Variants in CENPE observed in about 807,000 individuals in gnomAD.
CENPE encodes the protein centromere-associated protein E.
In CENPE, 145 loss-of-function variants were observed where a neutral mutation model predicts 336.1. That is an observed-to-expected ratio of 0.43 (90% CI 0.38 to 0.50). The LOEUF (loss-of-function observed/expected upper bound fraction) is 0.50. CENPE is among the 20% of genes least tolerant of loss of function. The pLI is 0.00. For missense variants in CENPE, 2,719 were observed against 3,023.3 expected (o/e 0.90, Z 2.36); for synonymous variants, 1,013 against 984.8 (o/e 1.03, Z -0.54).
intron 10 of CENPE, 90 bp downstream of exon 10, chr4:103,183,111 G>T: frequency 1.0e-6 from 1 of 978,822 alleles, no homozygotes; most frequent in Non-Finnish European, 1.5e-6. Context: ...GAAGAAATCA[G>T]TACATTTGAG....
At chr4:103,190,321 G>A (rs1421790713) in intron 8 of CENPE, among the ~76,000 whole-genome samples, 1 of 152,164 alleles carries the variant, frequency 6.6e-6, no homozygotes, top group Admixed American at 6.5e-5. Flanking sequence ...CCAAAAAAGA[G>A]CCCGCATTGC....
chr4:103,123,185 G>T, intron 42 of CENPE, 96 bp from the exon 43 acceptor site: 1 of 837,850 alleles, frequency 1.2e-6, no homozygotes, highest in Non-Finnish European at 1.9e-6. Flanking sequence ...GTTACCCTCA[G>T]TCAAAAGTGG....
chr4:103,185,830 G>T lies in CENPE; in HGVS notation c.725C>A (p.Ala242Asp). The T allele has an allele frequency of 6.2e-7, 1 of 1,610,074 alleles. No homozygotes were observed. Among genetic ancestry groups the T allele is most frequent in the Non-Finnish European group, 8.5e-7 (1 of 1,177,374 alleles). The change falls in exon 9 of 49, where the codon GCT (alanine) becomes GAT (aspartate). Residue 242 changes from alanine (A) to aspartate (D), a missense_variant. By Grantham distance (126) the Ala-to-Asp change is moderately radical. Coordinates refer to ENST00000265148, the MANE Select transcript of CENPE (RefSeq NM_001813.3). ...ATTACCTGCAGCGCCTGTTTGAGCAGCTCTTTCACTGCCTGCAAGATCAAC... is the reference window on the plus strand; with the variant it reads ...ATTACCTGCAGCGCCTGTTTGAGCATCTCTTTCACTGCCTGCAAGATCAAC... ...NLVDLAGSER[A>D]AQTGAAGVRL...
chr4:103,106,175 T>C lies in CENPE; in HGVS notation c.*47A>G. ...GGGATAGACACATAAACAAAGTCAT[T>C]TCCAAATAAGGAATGCTGGATCTCC... On this transcript the variant is annotated 3_prime_UTR_variant, in exon 49 of 49. Coordinates refer to ENST00000265148, the MANE Select transcript of CENPE (RefSeq NM_001813.3). 1 of 1,320,618 alleles carries C rather than the reference T, an allele frequency of 7.6e-7. No homozygotes were observed. The allele number at this position is 1,320,618 out of a possible 1,614,324, so 81.8% of individuals were successfully genotyped here. A position where few individuals can be genotyped will look rare whatever the true frequency, so the allele number is the denominator to read the frequency against.
At chr4:103,144,064 G>A (rs554764937) in intron 33 of CENPE, among the ~76,000 whole-genome samples, 2 of 152,212 alleles carry the variant, frequency 1.3e-5, no homozygotes, top group African/African-American at 4.8e-5. Context: ...AGCCTCCCAA[G>A]TAGCTGGGAC....
At chr4:103,156,377 G>C (rs528076125) in intron 24 of CENPE, among the ~76,000 whole-genome samples, 5 of 152,220 alleles carry the variant, frequency 3.3e-5, no homozygotes, top group African/African-American at 4.8e-5. Flanking sequence ...CTAGCATAAA[G>C]ACAGACATAT....
intron 8 of CENPE, among the ~76,000 whole-genome samples, chr4:103,189,802 CAGG>C (rs1331914891): frequency 2.0e-5 from 3 of 152,068 alleles, no homozygotes; most frequent in Admixed American, 2.0e-4. Context: ...AGCAATCAGG[CAGG>C]AGGAGGAAAT....
Position 103,174,744 on chromosome 4 carries a change from CT to C in CENPE, c.1638del (p.Asp547IlefsTer6), listed in dbSNP as rs751326827. 6.6e-7 allele frequency: 1 copy of C among 1,518,278 alleles called. No individual in the cohort carries two copies. The highest frequency in any genetic ancestry group is 1.3e-5 in the South Asian group (1 of 77,550). The allele number at this position is 1,518,278 out of a possible 1,614,324, so 94.1% of individuals were successfully genotyped here. ...ATTTCTGTCTCTCTTACCTCTTGAT[CT>C]TTTTTAGTTTTTCTTTCTAGAGCCT... ...EFEALERKTK[K>X]DQEMQLIHEI... On this transcript the variant is annotated frameshift_variant, in exon 16 of 49. Coordinates refer to ENST00000265148, the MANE Select transcript of CENPE (RefSeq NM_001813.3). LOFTEE classifies it high-confidence loss of function.
intron 34 of CENPE, 130 bp from the exon 35 acceptor site, chr4:103,142,038 A>G (rs1752606874): frequency 3.2e-6 from 2 of 620,796 alleles, no homozygotes; most frequent in Non-Finnish European, 5.3e-6. Flanking sequence ...TTTTTAAGGT[A>G]CAGGCTTTCT....
At chr4:103,182,642 A>C (rs1002884985) in intron 11 of CENPE, 120 bp downstream of exon 11, 4 of 733,250 alleles carry the variant, frequency 5.5e-6, no homozygotes, top group Non-Finnish European at 8.3e-6. Flanking sequence ...TTTAGTAGAC[A>C]ACATATCGAT....
intron 29 of CENPE, 43 bp downstream of exon 29, chr4:103,147,313 T>C: frequency 6.7e-7 from 1 of 1,502,770 alleles, no homozygotes; most frequent in Middle Eastern, 2.5e-4. Context: ...GCCTTGATTC[T>C]TATAAGACAC....
chr4:103,113,401 A>G (rs1284864832), intron 46 of CENPE, among the ~76,000 whole-genome samples: 2 of 142,932 alleles, frequency 1.4e-5, no homozygotes, highest in Non-Finnish European at 3.0e-5. Flanking sequence ...TTCTAATTAT[A>G]TAAGTATTTA....
At chr4:103,194,513 C>G (rs1486339870) in intron 6 of CENPE, 72 bp from the exon 7 acceptor site, 2 of 1,458,956 alleles carry the variant, frequency 1.4e-6, no homozygotes, top group African/African-American at 1.4e-5. Context: ...TTTATTTTAA[C>G]TTAAAAAAGT....
At chr4:103,198,147 C>T (rs2126066510) in intron 1 of CENPE, 117 bp downstream of exon 1, 1 of 945,310 alleles carries the variant, frequency 1.1e-6, no homozygotes, top group Non-Finnish European at 1.6e-6. Flanking sequence ...GCAGCCGAGT[C>T]ACTAGACAGC....
Position 103,157,059 on chromosome 4 carries a change from C to CAAAAAAAAAAAAAAAAAAAAAAAAAA in CENPE, c.3033+1240_3033+1241insTTTTTTTTTTTTTTTTTTTTTTTTTT, listed in dbSNP as rs34199706. Among the ~76,000 whole-genome samples the CAAAAAAAAAAAAAAAAAAAAAAAAAA allele has an allele frequency of 5.1e-5, 5 of 98,038 alleles. 1 individual carries two copies. The highest frequency in any genetic ancestry group is 4.3e-5 in the Non-Finnish European group (2 of 46,578). 64.3% of individuals were successfully genotyped at this position (98,038 alleles called of 152,430 possible). A position where few individuals can be genotyped will look rare whatever the true frequency, so the allele number is the denominator to read the frequency against. ...TCACATCCATTAGGATGGCTACTAT[C>CAAAAAAAAAAAAAAAAAAAAAAAAAA]AAAAAAAAAAAAAAAAAAAAACAGA... On this transcript the variant is annotated intron_variant, in intron 24 of 48. Transcript: ENST00000265148.
At chr4:103,129,823 G>T (rs2720457) in intron 42 of CENPE, among the ~76,000 whole-genome samples, 26,359 of 152,120 alleles carry the variant, frequency 0.17, 2,539 homozygotes, top group Non-Finnish European at 0.2. Context: ...GTGTAAAAAT[G>T]ATTATACATG....
At chr4:103,132,985 A>ATATATATATATATATATATATATATAT (rs1560610336) in intron 41 of CENPE, 89 bp from the exon 42 acceptor site, 1 of 105,934 alleles carries the variant, frequency 9.4e-6, no homozygotes, top group Non-Finnish European at 1.7e-5. Context: ...TATATATATA[A>ATATATATATATATATATATATATATAT]AATAAAAAGA....
At chr4:103,198,140 G>T in intron 1 of CENPE, 124 bp downstream of exon 1, 1 of 864,660 alleles carries the variant, frequency 1.2e-6, no homozygotes, top group South Asian at 1.7e-5. Context: ...ATGGCCAGCA[G>T]CCGAGTCACT....
At chr4:103,181,494 T>C (rs1367680797) in intron 11 of CENPE, 38 bp from the exon 12 acceptor site, 8 of 1,513,372 alleles carry the variant, frequency 5.3e-6, no homozygotes, top group Non-Finnish European at 7.0e-6. Context: ...TGTTCAACAC[T>C]TAAAAAAATT....
Sources: allele counts gnomAD v4.1 joint callset (sites outside exome capture counted in the v4.1 genomes callset), GRCh38; gene constraint gnomAD v4.1.1; transcripts MANE v1.5; gene names NCBI Gene and HGNC (gene_info 2026-07-23, HGNC 2026-07-21).